Variants in BRDT observed in about 807,000 individuals in gnomAD.
BRDT encodes bromodomain testis associated, also known as bromodomain testis-specific protein.
BRDT carries 77 observed loss-of-function variants against 113.9 expected under a neutral mutation model. That is an observed-to-expected ratio of 0.68 (90% CI 0.56 to 0.82). BRDT has a LOEUF of 0.82. Ranked by LOEUF, BRDT falls within the 40% of genes least tolerant of loss-of-function variation. The probability of loss-of-function intolerance (pLI) is 0.00; values close to 1 mark genes in which losing one functional copy is unlikely to be tolerated. For missense variants in BRDT, 1,027 were observed against 1,105.4 expected, an observed-to-expected ratio of 0.93 and a Z score of 1.01; for synonymous variants, 358 against 366.5, an observed-to-expected ratio of 0.98 and a Z score of 0.26.
intron 4 of BRDT, among the ~76,000 whole-genome samples, chr1:91,970,447 T>G (rs1473766373): frequency 6.6e-6 from 1 of 151,910 alleles, no homozygotes; most frequent in African/African-American, 2.4e-5. Flanking sequence ...TTTTGTTTCT[T>G]ACAGAGGTGG....
intron 15 of BRDT, among the ~76,000 whole-genome samples, chr1:92,001,227 G>A (rs137878134): frequency 7.2e-5 from 11 of 152,282 alleles, no homozygotes; most frequent in East Asian, 5.8e-4. Context: ...GGCTGGGCGC[G>A]TAATACCTGA....
At chr1:91,973,453 T>C (rs1342370783) in intron 4 of BRDT, among the ~76,000 whole-genome samples, 1 of 152,142 alleles carries the variant, frequency 6.6e-6, no homozygotes, top group Admixed American at 6.5e-5. Flanking sequence ...CCTCTTTTAT[T>C]TCGTTGAGCA....
intron 1 of BRDT, among the ~76,000 whole-genome samples, chr1:91,959,349 A>G (rs1025438037): frequency 6.6e-6 from 1 of 152,036 alleles, no homozygotes; most frequent in Non-Finnish European, 1.5e-5. Flanking sequence ...AAGCCAGGAT[A>G]AGAGCCAGTT....
chr1:91,966,461 G>A (rs1263227429), intron 3 of BRDT, among the ~76,000 whole-genome samples: 1 of 151,988 alleles, frequency 6.6e-6, no homozygotes, highest in African/African-American at 2.4e-5. Flanking sequence ...TGATCTCCTG[G>A]GCTCAAGTGA....
At chr1:92,010,153 A>T (rs1015864611) in intron 18 of BRDT, among the ~76,000 whole-genome samples, 4 of 151,906 alleles carry the variant, frequency 2.6e-5, no homozygotes, top group African/African-American at 9.7e-5. Flanking sequence ...AGCTTGGAAA[A>T]ATTTTGGCCA....
At chr1:92,000,226 A>G (rs1020390741) in intron 15 of BRDT, among the ~76,000 whole-genome samples, 7 of 152,332 alleles carry the variant, frequency 4.6e-5, no homozygotes, top group Middle Eastern at 3.4e-3. Flanking sequence ...TAATGGCACT[A>G]TCACCACTTA....
chr1:91,988,866 A>G (rs576391048), intron 12 of BRDT, among the ~76,000 whole-genome samples: 1 of 152,360 alleles, frequency 6.6e-6, no homozygotes, highest in African/African-American at 2.4e-5. Context: ...TTATGCTCTT[A>G]AAAAGTCAAT....
At position 91,953,832 on chromosome 1, in the gene BRDT, T is replaced by G. The variant is rs141615951; in HGVS notation, c.-38+4150T>G. Among the ~76,000 whole-genome samples the G allele has an allele frequency of 1.8e-4, 28 of 152,352 alleles. No homozygotes were observed. In the East Asian group the frequency reaches 4.8e-3, roughly 26 times the overall value. On this transcript the variant is annotated intron_variant, in intron 1 of 18. Coordinates refer to ENST00000399546, the MANE Select transcript of BRDT (RefSeq NM_207189.4). ...ACAAAGTGAACTGAACTTTTCATTA[T>G]CATTTATGATACATTGTTTTTGAAC...
intron 12 of BRDT, among the ~76,000 whole-genome samples, chr1:91,985,886 C>T (rs558359940): frequency 2.6e-4 from 40 of 152,156 alleles, no homozygotes; most frequent in African/African-American, 9.6e-4. Context: ...GATCCGCCCG[C>T]CTCGGCCTCC....
At chr1:91,976,161 T>TAAAACA in intron 4 of BRDT, 105 bp from the exon 5 acceptor site, 1 of 1,145,756 alleles carries the variant, frequency 8.7e-7, no homozygotes, top group Admixed American at 3.3e-5. Context: ...TATCCTATGC[T>TAAAACA]TATATTGCTA....
intron 12 of BRDT, among the ~76,000 whole-genome samples, chr1:91,984,634 A>T (rs909278169): frequency 6.6e-6 from 1 of 152,064 alleles, no homozygotes; most frequent in Non-Finnish European, 1.5e-5. Flanking sequence ...ATGAAAAAAT[A>T]ATTAAAAAAA....
rs1012032944 is a variant in BRDT at position 91,979,563 on chromosome 1, T to G, written c.1099-6T>G. 2 of 1,604,406 alleles carry G rather than the reference T, an allele frequency of 1.2e-6. No individual in the cohort carries two copies. Among genetic ancestry groups the G allele is most frequent in the Non-Finnish European group, 1.7e-6 (2 of 1,177,874 alleles). ...AAAACCATAACAAACTAATTTTTCA[T>G]TACAGGATGTTTTCGAAACGCATTT... On this transcript the variant is annotated splice_polypyrimidine_tract_variant and splice_region_variant and intron_variant, in intron 7 of 18. Transcript: ENST00000399546.
At chr1:91,960,857 CACGTTGGTAGT>C (rs1197361228) in intron 1 of BRDT, among the ~76,000 whole-genome samples, 1 of 152,124 alleles carries the variant, frequency 6.6e-6, no homozygotes, top group Non-Finnish European at 1.5e-5. Context: ...GTATTATGTG[CACGTTGGTAGT>C]ACCTTTATTA....
At chr1:91,962,673 A>G in intron 1 of BRDT, 45 bp from the exon 2 acceptor site, 1 of 1,195,924 alleles carries the variant, frequency 8.4e-7, no homozygotes, top group Non-Finnish European at 1.1e-6. Context: ...TCCTGTGGAA[A>G]CCATTCCTAA....
At chr1:91,980,482 A>G (rs1166431355) in intron 8 of BRDT, among the ~76,000 whole-genome samples, 161 bp from the exon 9 acceptor site, 1 of 152,238 alleles carries the variant, frequency 6.6e-6, no homozygotes, top group African/African-American at 2.4e-5. Flanking sequence ...TGCCTTTTAA[A>G]AATTCAATGC....
chr1:91,962,763 G>A lies in BRDT; in HGVS notation c.9G>A (p.Leu3=), dbSNP rs1161808948. The part of the protein sequence containing the change: MS[L]PSRQTAIIVN... ...ATTCAAAGCAGTTAAGAATGTCTCT[G>A]CCAAGTCGACAAACAGCTATTATTG... The change falls in exon 2 of 19, where the codon CTG becomes CTA. Residue 3 remains leucine (L), a synonymous_variant. Coordinates refer to ENST00000399546, the MANE Select transcript of BRDT (RefSeq NM_207189.4). 6.3e-7 allele frequency: 1 copy of A among 1,586,004 alleles called. No homozygotes were observed. The highest frequency in any genetic ancestry group is 2.3e-5 in the East Asian group (1 of 44,030).
At chr1:91,952,295 G>A (rs1021571144) in intron 1 of BRDT, 10 of 152,192 alleles carry the variant, frequency 6.6e-5, no homozygotes, top group Non-Finnish European at 1.3e-4. Context: ...AGTTTTAGAG[G>A]AATGTTGGGG....
chr1:91,978,393 T>A, intron 7 of BRDT, 97 bp downstream of exon 7: 3 of 1,404,568 alleles, frequency 2.1e-6, no homozygotes, highest in Non-Finnish European at 2.9e-6. Flanking sequence ...TAATAACTCC[T>A]ACACCTCTAA....
chr1:92,012,582 C>T (rs1454456350), intron 18 of BRDT, among the ~76,000 whole-genome samples: 1 of 152,160 alleles, frequency 6.6e-6, no homozygotes, highest in East Asian at 1.9e-4. Context: ...AAAATCTGTG[C>T]TAGACATTTG....
Sources: gnomAD v4.1 joint callset for allele counts (sites outside exome capture counted in the v4.1 genomes callset) on GRCh38, gnomAD v4.1.1 for gene constraint, MANE v1.5 for transcripts, NCBI Gene and HGNC (gene_info 2026-07-23, HGNC 2026-07-21) for gene names.